Variants in LARS2 observed in about 807,000 individuals in gnomAD.
LARS2 encodes leucyl-tRNA synthetase 2, mitochondrial.
LARS2 carries 81 observed loss-of-function variants against 116.6 expected under a neutral mutation model. That is an observed-to-expected ratio of 0.69 (90% CI 0.58 to 0.84). LARS2 has a LOEUF of 0.84. Ranked by LOEUF, LARS2 falls within the 40% of genes least tolerant of loss-of-function variation. The probability of loss-of-function intolerance (pLI) is 0.00; values close to 1 mark genes in which losing one functional copy is unlikely to be tolerated. For missense variants in LARS2, 968 were observed against 1,114.5 expected (o/e 0.87, Z 1.87); for synonymous variants, 396 against 407.2 (o/e 0.97, Z 0.33).
At chr3:45,468,954 T>G (rs1308625304) in intron 8 of LARS2, among the ~76,000 whole-genome samples, 3 of 152,200 alleles carry the variant, frequency 2.0e-5, no homozygotes, top group Admixed American at 6.5e-5. Context: ...TATAAAGCAC[T>G]TGGTTTGTCC....
chr3:45,408,489 C>T (rs1559458622), intron 4 of LARS2, among the ~76,000 whole-genome samples: 1 of 152,220 alleles, frequency 6.6e-6, no homozygotes, highest in Non-Finnish European at 1.5e-5. Context: ...GCTTTTTGTA[C>T]GGCAGAAGGG....
At chr3:45,480,232 T>G (rs1182493704) in intron 10 of LARS2, among the ~76,000 whole-genome samples, 1 of 152,258 alleles carries the variant, frequency 6.6e-6, no homozygotes, top group Non-Finnish European at 1.5e-5. Flanking sequence ...TGCTTTGGAC[T>G]TCTCAGAACC....
intron 6 of LARS2, among the ~76,000 whole-genome samples, chr3:45,426,061 A>T (rs912938647): frequency 6.6e-6 from 1 of 151,932 alleles, no homozygotes; most frequent in Admixed American, 6.6e-5. Flanking sequence ...TTTCTGCCTC[A>T]ATTTATTTTA....
At chr3:45,457,234 C>T (rs6771080) in intron 7 of LARS2, among the ~76,000 whole-genome samples, 80,137 of 152,116 alleles carry the variant, frequency 0.53, 24,613 homozygotes, top group East Asian at 0.68. Context: ...AGCCAGTGTG[C>T]CTGTCATTGG....
chr3:45,434,326 G>A (rs1169956740), intron 6 of LARS2, among the ~76,000 whole-genome samples: 2 of 152,072 alleles, frequency 1.3e-5, no homozygotes, highest in East Asian at 3.9e-4. Flanking sequence ...TCAGTTGTTT[G>A]GTCTTCAAGT....
intron 19 of LARS2, among the ~76,000 whole-genome samples, chr3:45,521,725 T>C (rs1279753786): frequency 6.6e-6 from 1 of 152,170 alleles, no homozygotes; most frequent in Non-Finnish European, 1.5e-5. Context: ...TCTCTAATTA[T>C]CATGAAAGGC....
At chr3:45,524,768 T>A (rs1205653261) in intron 20 of LARS2, among the ~76,000 whole-genome samples, 2 of 152,208 alleles carry the variant, frequency 1.3e-5, no homozygotes, top group Non-Finnish European at 2.9e-5. Flanking sequence ...GGCAGTTTCG[T>A]TGACGTAAAA....
chr3:45,445,506 G>A (rs1699003783), intron 6 of LARS2, among the ~76,000 whole-genome samples: 1 of 152,200 alleles, frequency 6.6e-6, no homozygotes, highest in African/African-American at 2.4e-5. Context: ...CATCTGTGAA[G>A]CTGGAAGCCA....
At chr3:45,485,408 G>A (rs967933661) in intron 10 of LARS2, among the ~76,000 whole-genome samples, 2 of 152,164 alleles carry the variant, frequency 1.3e-5, no homozygotes, top group African/African-American at 4.8e-5. Flanking sequence ...TTTTCAAAAG[G>A]AAAAGACAGT....
At chr3:45,516,691 C>T (rs1385723662) in intron 17 of LARS2, among the ~76,000 whole-genome samples, 1 of 152,184 alleles carries the variant, frequency 6.6e-6, no homozygotes, top group Non-Finnish European at 1.5e-5. Flanking sequence ...GGCCAGTTCC[C>T]TCTTTCTTGA....
chr3:45,413,490 G>A (rs1403866819), intron 4 of LARS2, among the ~76,000 whole-genome samples: 1 of 152,202 alleles, frequency 6.6e-6, no homozygotes, highest in African/African-American at 2.4e-5. Context: ...ACCATTTATA[G>A]TTGAGACTCA....
At chr3:45,511,783 T>G (rs1175482382) in intron 15 of LARS2, among the ~76,000 whole-genome samples, 1 of 142,466 alleles carries the variant, frequency 7.0e-6, no homozygotes, top group African/African-American at 2.6e-5. Flanking sequence ...TTTTTTTTTT[T>G]TTTTTTTTTT....
At chr3:45,485,593 A>G in intron 10 of LARS2, 99 bp from the exon 11 acceptor site, 1 of 630,594 alleles carries the variant, frequency 1.6e-6, no homozygotes, top group Admixed American at 2.7e-5. Context: ...AAAGCACAGA[A>G]GTTCTAGTGC....
At chr3:45,543,457 T>A (rs968158329) in intron 21 of LARS2, among the ~76,000 whole-genome samples, 41 of 148,530 alleles carry the variant, frequency 2.8e-4, no homozygotes, top group African/African-American at 6.7e-4. Flanking sequence ...AGAATTTTTT[T>A]TTTTTATTTT....
At chr3:45,474,421 A>T in intron 9 of LARS2, 71 bp downstream of exon 9, 2 of 987,502 alleles carry the variant, frequency 2.0e-6, no homozygotes, top group Non-Finnish European at 3.1e-6. Flanking sequence ...TCACTGAGTA[A>T]ACCAGCAACT....
chr3:45,400,789 T>C (rs969956035), intron 4 of LARS2, among the ~76,000 whole-genome samples: 1 of 152,322 alleles, frequency 6.6e-6, no homozygotes, highest in African/African-American at 2.4e-5. Flanking sequence ...CTATTTGATA[T>C]TTTCCATATT....
chr3:45,431,359 A>T (rs915934497), intron 6 of LARS2, among the ~76,000 whole-genome samples: 8 of 152,212 alleles, frequency 5.3e-5, no homozygotes, highest in East Asian at 1.9e-4. Flanking sequence ...TAATACATTT[A>T]AAAAAATTAT....
In LARS2 at chr3:45,479,895, A is replaced by AT. The variant is rs577615275; in HGVS notation, c.1018+3274dup. Among the ~76,000 whole-genome samples, 370 of 152,288 alleles carry AT rather than the reference A, an allele frequency of 2.4e-3. 12 individuals carry two copies. The South Asian group carries it at 0.07, about 29-fold the overall frequency. On this transcript the variant is annotated intron_variant, in intron 10 of 21. Transcript: ENST00000645846. ...GAGTCACCAACTATCTACACAATGCATTTTTTGCTGAAAGGGCAGATGCGG... is the reference window on the plus strand; with the variant it reads ...GAGTCACCAACTATCTACACAATGCATTTTTTTGCTGAAAGGGCAGATGCGG...
intron 15 of LARS2, among the ~76,000 whole-genome samples, chr3:45,512,040 G>A (rs924431183): frequency 6.6e-6 from 1 of 152,104 alleles, no homozygotes; most frequent in Non-Finnish European, 1.5e-5. Context: ...CTCCCAAAGC[G>A]CTAGGATTAC....
Sources: gnomAD v4.1 joint callset for allele counts (sites outside exome capture counted in the v4.1 genomes callset) on GRCh38, gnomAD v4.1.1 for gene constraint, MANE v1.5 for transcripts, NCBI Gene and HGNC (gene_info 2026-07-23, HGNC 2026-07-21) for gene names.